CSMD1: variants seen among roughly 807,000 people sequenced by gnomAD.
The protein encoded by CSMD1 is CUB and sushi domain-containing protein 1.
A neutral mutation model predicts 417.5 loss-of-function variants in CSMD1; 213 were observed. The ratio of observed to expected loss-of-function variants is 0.51; its 90% CI spans 0.46 to 0.57. CSMD1 has a LOEUF of 0.57. CSMD1 is among the 20% of genes least tolerant of loss of function. CSMD1 has a pLI of 0.00. For missense variants in CSMD1, 6,923 were observed against 4,529.7 expected (o/e 1.53, Z -15.17); for synonymous variants, 2,862 against 1,736.8 (o/e 1.65, Z -16.11).
At chr8:3,739,244 C>A (rs1796675886) in intron 6 of CSMD1, among the ~76,000 whole-genome samples, 1 of 152,180 alleles carries the variant, frequency 6.6e-6, no homozygotes, top group African/African-American at 2.4e-5. Context: ...GCATTCTGTT[C>A]TCATCCTTTG....
chr8:4,004,335 C>G (rs1815936799), intron 4 of CSMD1, among the ~76,000 whole-genome samples: 1 of 151,506 alleles, frequency 6.6e-6, no homozygotes, highest in African/African-American at 2.4e-5. Context: ...TTATGTGTTT[C>G]TGAGAGAGTA....
chr8:4,475,062 T>G (rs1800728113), intron 2 of CSMD1, among the ~76,000 whole-genome samples: 1 of 152,176 alleles, frequency 6.6e-6, no homozygotes, highest in Non-Finnish European at 1.5e-5. Flanking sequence ...CTCTGTGTTA[T>G]TCAAGGATTA....
At chr8:4,158,830 A>G (rs116567414) in intron 3 of CSMD1, among the ~76,000 whole-genome samples, 2,208 of 152,310 alleles carry the variant, frequency 0.014, 56 homozygotes, top group African/African-American at 0.049. Context: ...GTAGAATCCA[A>G]TAATAGGAAG....
At position 3,497,153 on chromosome 8, in the gene CSMD1, T is replaced by C. The variant is rs113434255; in HGVS notation, c.1345-3427A>G. Among the ~76,000 whole-genome samples the C allele has an allele frequency of 1.2e-4, 19 of 152,322 alleles. 1 individual carries two copies. Among genetic ancestry groups the C allele is most frequent in the African/African-American group, 3.4e-4 (14 of 41,572 alleles). ...GATGAAATGTTCTGTAAATGTCCGT[T>C]AGGTCCATTTGGTCTACACTATAGT... On this transcript the variant is annotated intron_variant, in intron 10 of 69. Transcript: ENST00000635120.
At chr8:3,007,179 A>G (rs1336999279) in intron 52 of CSMD1, among the ~76,000 whole-genome samples, 4 of 150,292 alleles carry the variant, frequency 2.7e-5, no homozygotes, top group African/African-American at 7.5e-5. Context: ...AAAAATGCTC[A>G]TCATCACTGG....
rs568347816 is a variant in CSMD1 at position 3,905,153 on chromosome 8, G to T, written c.818+92750C>A. Among the ~76,000 whole-genome samples the T allele has an allele frequency of 4.6e-5, 7 of 152,064 alleles. No homozygotes were observed. The South Asian group carries it at 6.2e-4, about 14-fold the overall frequency. On this transcript the variant is annotated intron_variant, in intron 5 of 69. Transcript: ENST00000635120. ...TTCAGAGAGAATCCTTCCATTTAAA[G>T]AATGATTAATAACAGGCAAACATAG...
chr8:3,915,720 T>C (rs1228899014), intron 5 of CSMD1, among the ~76,000 whole-genome samples: 1 of 151,086 alleles, frequency 6.6e-6, no homozygotes, highest in Non-Finnish European at 1.5e-5. Context: ...GGTTGAATGT[T>C]AATTTAGCTA....
chr8:4,423,849 C>T (rs7832058), intron 2 of CSMD1, among the ~76,000 whole-genome samples: 15,456 of 151,856 alleles, frequency 0.1, 858 homozygotes, highest in South Asian at 0.14. Flanking sequence ...TATTTGGTAT[C>T]GGCAGATTGG....
At chr8:4,249,667 C>T (rs116295197) in intron 3 of CSMD1, among the ~76,000 whole-genome samples, 1 of 152,152 alleles carries the variant, frequency 6.6e-6, no homozygotes, top group Non-Finnish European at 1.5e-5. Flanking sequence ...GAGCTGCCAG[C>T]TCTCTTCTCC....
chr8:4,162,476 C>A (rs910409517), intron 3 of CSMD1, among the ~76,000 whole-genome samples: 7 of 152,056 alleles, frequency 4.6e-5, no homozygotes, highest in African/African-American at 1.7e-4. Context: ...AAATTTAAGC[C>A]AGTTTGATGA....
chr8:3,525,206 T>C (rs2117476847), intron 10 of CSMD1, among the ~76,000 whole-genome samples: 1 of 152,270 alleles, frequency 6.6e-6, no homozygotes, highest in East Asian at 1.9e-4. Flanking sequence ...TCAGAAATCA[T>C]TCAGGATTTG....
intron 6 of CSMD1, among the ~76,000 whole-genome samples, chr8:3,740,355 C>T (rs1475091587): frequency 2.0e-5 from 3 of 152,188 alleles, no homozygotes; most frequent in Non-Finnish European, 4.4e-5. Context: ...ATCCGCCTTC[C>T]TTTCATTGGG....
intron 12 of CSMD1, among the ~76,000 whole-genome samples, chr8:3,440,058 T>A (rs1814871956): frequency 6.6e-6 from 1 of 152,228 alleles, no homozygotes; most frequent in African/African-American, 2.4e-5. Context: ...TTACTGGAGC[T>A]ATATAATATG....
At chr8:4,160,442 A>G (rs945129851) in intron 3 of CSMD1, among the ~76,000 whole-genome samples, 4 of 152,382 alleles carry the variant, frequency 2.6e-5, no homozygotes, top group South Asian at 2.1e-4. Context: ...AATAAAGAAT[A>G]TATTTCAATA....
At chr8:4,376,785 A>G (rs1470502237) in intron 3 of CSMD1, among the ~76,000 whole-genome samples, 1 of 151,922 alleles carries the variant, frequency 6.6e-6, no homozygotes, top group Admixed American at 6.5e-5. Context: ...AACCAACTCT[A>G]TTTTCTGTTG....
chr8:4,084,347 A>G (rs1303561059), intron 3 of CSMD1, among the ~76,000 whole-genome samples: 1 of 152,068 alleles, frequency 6.6e-6, no homozygotes, highest in Non-Finnish European at 1.5e-5. Flanking sequence ...AAAAAAAACA[A>G]ACTACAACCA....
intron 1 of CSMD1, among the ~76,000 whole-genome samples, chr8:4,899,793 G>C (rs895929687): frequency 3.9e-5 from 6 of 152,228 alleles, no homozygotes; most frequent in Admixed American, 2.0e-4. Context: ...GAGGATACAA[G>C]CACAGAATAT....
At chr8:4,393,766 C>T (rs1804019893) in intron 3 of CSMD1, among the ~76,000 whole-genome samples, 1 of 152,186 alleles carries the variant, frequency 6.6e-6, no homozygotes, top group Non-Finnish European at 1.5e-5. Context: ...GCCTTAAAAA[C>T]AGAAAAAGCT....
At chr8:3,672,953 A>G (rs115709218) in intron 7 of CSMD1, among the ~76,000 whole-genome samples, 259 of 152,300 alleles carry the variant, frequency 1.7e-3, no homozygotes, top group African/African-American at 6.1e-3. Context: ...TCAATAACTT[A>G]TCTCGTTATT....
Sources: gnomAD v4.1 joint callset for allele counts (sites outside exome capture counted in the v4.1 genomes callset) on GRCh38, gnomAD v4.1.1 for gene constraint, MANE v1.5 for transcripts, NCBI Gene and HGNC (gene_info 2026-07-23, HGNC 2026-07-21) for gene names.